Variants in ITGAL observed in about 807,000 individuals in gnomAD.
The protein encoded by ITGAL is integrin alpha-L.
In ITGAL, 68 loss-of-function variants were observed where a neutral mutation model predicts 138.4. The ratio of observed to expected loss-of-function variants is 0.49; its 90% CI spans 0.40 to 0.60. ITGAL has a LOEUF of 0.60. ITGAL is among the 20% of genes least tolerant of loss of function. The probability of loss-of-function intolerance (pLI) is 0.00; values close to 1 mark genes in which losing one functional copy is unlikely to be tolerated. For synonymous variants in ITGAL, 561 were observed against 584.3 expected, an observed-to-expected ratio of 0.96 and a Z score of 0.57; for missense variants, 1,256 against 1,478.6, an observed-to-expected ratio of 0.85 and a Z score of 2.47.
Position 30,499,229 on chromosome 16 carries a change from T to G in ITGAL, c.1988T>G (p.Phe663Cys), listed in dbSNP as rs1567477784. 1 of 1,614,092 alleles carries G rather than the reference T, an allele frequency of 6.2e-7. No individual in the cohort carries two copies. The highest frequency in any genetic ancestry group is 1.6e-4 in the Middle Eastern group (1 of 6,062). The change falls in exon 16 of 31, where the codon TTC (phenylalanine) becomes TGC (cysteine). Residue 663 changes from phenylalanine to cysteine, a missense_variant. By Grantham distance (205) the Phe-to-Cys change is radical (BLOSUM62 -2). Transcript: ENST00000356798. ...CFQIKSLIPQFQGRLVANLTY... is the reference protein window; with the variant it reads ...CFQIKSLIPQCQGRLVANLTY... ...CAGATCAAGTCTCTCATCCCCCAGT[T>G]CCAAGGTCAGAGCTCTCCTCCTGCT...
intron 7 of ITGAL, among the ~76,000 whole-genome samples, chr16:30,483,457 A>T (rs973143976): frequency 6.6e-6 from 1 of 152,064 alleles, no homozygotes; most frequent in African/African-American, 2.4e-5. Context: ...CAGCTGTAGG[A>T]CCCTCTCTTC....
rs376103850 is a variant in ITGAL at position 30,489,205 on chromosome 16, G to C, written c.1081-49G>C. The C allele has an allele frequency of 6.2e-6, 10 of 1,613,782 alleles. No individual in the cohort carries two copies. The African/African-American group carries it at 8.0e-5, about 13-fold the overall frequency. Reference sequence around the variant, plus strand: ...GCTGCAGGGAGTGCAGTTGGCTCTGGGGGGTGGGTCGGTGGGTAGCTGACC... The same window carrying C: ...GCTGCAGGGAGTGCAGTTGGCTCTGCGGGGTGGGTCGGTGGGTAGCTGACC... On this transcript the variant is annotated intron_variant, in intron 10 of 30. Coordinates refer to ENST00000356798, the MANE Select transcript of ITGAL (RefSeq NM_002209.3).
intron 2 of ITGAL, 93 bp from the exon 3 acceptor site, chr16:30,475,213 A>G (rs1485074443): frequency 1.1e-6 from 1 of 917,430 alleles, no homozygotes; most frequent in African/African-American, 1.6e-5. Flanking sequence ...GTGCTTGGAG[A>G]AATGAGACAG....
chr16:30,501,349 G>A (rs1289146870), intron 17 of ITGAL, among the ~76,000 whole-genome samples: 5 of 152,068 alleles, frequency 3.3e-5, no homozygotes, highest in African/African-American at 2.4e-5. Context: ...GCCGAGGTGG[G>A]CAGATCACCT....
intron 9 of ITGAL, among the ~76,000 whole-genome samples, chr16:30,488,317 A>G (rs1297796952): frequency 6.6e-6 from 1 of 152,080 alleles, no homozygotes; most frequent in Non-Finnish European, 1.5e-5. Context: ...AGCATGGTTC[A>G]TTAGGTGAGT....
In ITGAL at chr16:30,489,021, G is replaced by A. The variant is rs1415399591; in HGVS notation, c.1007-61G>A. ...CCTCACTTCTTCCCCGTCCTGCCAT[G>A]AATTTTTTTCACTGCATTTACTGCT... is the stretch of plus-strand genomic sequence containing the variant. On this transcript the variant is annotated intron_variant, in intron 9 of 30. Transcript: ENST00000356798. The A allele has an allele frequency of 2.8e-6, 4 of 1,415,284 alleles. No individual in the cohort carries two copies. In the Admixed American group the frequency reaches 6.7e-5, roughly 24 times the overall value. The allele number at this position is 1,415,284 out of a possible 1,614,324, so 87.7% of individuals were successfully genotyped here. A position where few individuals can be genotyped will look rare whatever the true frequency, so the allele number is the denominator to read the frequency against.
chr16:30,501,315 C>A (rs1332506735), intron 17 of ITGAL, among the ~76,000 whole-genome samples: 1 of 152,046 alleles, frequency 6.6e-6, no homozygotes, highest in East Asian at 1.9e-4. Flanking sequence ...GTGGTTCATA[C>A]CTGTAATCCC....
intron 30 of ITGAL, among the ~76,000 whole-genome samples, chr16:30,521,158 G>C (rs1045386755): frequency 6.6e-6 from 1 of 152,070 alleles, no homozygotes; most frequent in African/African-American, 2.4e-5. Flanking sequence ...TGTAATCCCA[G>C]CACTTTGGGA....
chr16:30,506,344 G>C (rs1029663624), intron 20 of ITGAL, among the ~76,000 whole-genome samples: 1 of 150,560 alleles, frequency 6.6e-6, no homozygotes, highest in Non-Finnish European at 1.5e-5. Context: ...ACGAGGTCAG[G>C]AGATTGAGAC....
rs1193634387 is a variant in ITGAL at position 30,499,733 on chromosome 16, A to ATT, written c.2145+256_2145+257dup. Reference sequence around the variant, plus strand: ...TATATGTATATATATATATATATATATTTTTTTTTTTTTGACACAGAGTCT... The same window carrying ATT: ...TATATGTATATATATATATATATATATTTTTTTTTTTTTTTGACACAGAGTCT... On this transcript the variant is annotated intron_variant, in intron 17 of 30. Coordinates refer to ENST00000356798, the MANE Select transcript of ITGAL (RefSeq NM_002209.3). 2.9e-3 allele frequency among the ~76,000 whole-genome samples: 252 copies of ATT among 88,332 alleles called. 8 individuals are homozygous for ATT. Among genetic ancestry groups the ATT allele is most frequent in the African/African-American group, 0.011 (177 of 16,740 alleles). 57.9% of individuals were successfully genotyped at this position (88,332 alleles called of 152,430 possible).
rs893377159 is a variant in ITGAL, at chr16:30,499,386, G to A, written c.2042G>A (p.Arg681Gln). ...TACACTCTGCAGCTGGATGGCCACC[G>A]GACCAGAAGACGGGGGTTGTTCCCA... ...LTYTLQLDGH[R>Q]TRRRGLFPGG... The change falls in exon 17 of 31, where the codon CGG becomes CAG. Residue 681 changes from arginine to glutamine, a missense_variant. Around this residue, in one of 3 missense-constraint regions of ITGAL, gnomAD observed 867 missense variants for 972.5 expected, o/e 0.89. Transcript: ENST00000356798. 13 of 1,614,066 alleles carry A rather than the reference G, an allele frequency of 8.1e-6. No individual in the cohort carries two copies. The highest frequency in any genetic ancestry group is 1.3e-5 in the African/African-American group (1 of 75,028).
chr16:30,520,454 G>A (rs376233374), intron 30 of ITGAL, among the ~76,000 whole-genome samples: 12 of 152,240 alleles, frequency 7.9e-5, no homozygotes, highest in African/African-American at 2.6e-4. Flanking sequence ...CAAACAGCAA[G>A]AGAGACTTTT....
chr16:30,479,035 C>T, intron 4 of ITGAL, 56 bp from the exon 5 acceptor site: 1 of 1,362,392 alleles, frequency 7.3e-7, no homozygotes, highest in Non-Finnish European at 1.0e-6. Flanking sequence ...GTTGATGTTG[C>T]CCAAAAGACA....
intron 21 of ITGAL, 64 bp downstream of exon 21, chr16:30,506,920 GC>G: frequency 6.3e-7 from 1 of 1,581,986 alleles, no homozygotes; most frequent in Non-Finnish European, 8.6e-7. Context: ...CCTTCTTTGA[GC>G]CCCAGGCAGC....
At chr16:30,484,838 GAAC>G (rs1412376291) in intron 9 of ITGAL, among the ~76,000 whole-genome samples, 2 of 151,838 alleles carry the variant, frequency 1.3e-5, no homozygotes, top group East Asian at 3.9e-4. Context: ...AGAATCGCTT[GAAC>G]CCAGGAGGCG....
Position 30,494,080 on chromosome 16 carries a change from A to G in ITGAL, c.1214-132A>G. On this transcript the variant is annotated intron_variant, in intron 11 of 30. Transcript: ENST00000356798. This position sits in a 1 kb window ranked among gnomAD's most constrained non-coding sequence, Gnocchi z 4.2. The stretch of plus-strand genomic sequence containing the variant: ...CTGGGAGCACATGGATGCTTTTCTC[A>G]GGAGAAGGTCTTCAGCTGTTTCCAT... The G allele has an allele frequency of 1.4e-6, 1 of 725,740 alleles. No homozygotes were observed. Among genetic ancestry groups the G allele is most frequent in the Non-Finnish European group, 2.3e-6 (1 of 439,704 alleles). The allele number at this position is 725,740 out of a possible 1,614,324, so 45.0% of individuals were successfully genotyped here.
At chr16:30,478,608 G>A (rs1312002206) in intron 4 of ITGAL, among the ~76,000 whole-genome samples, 1 of 148,084 alleles carries the variant, frequency 6.8e-6, no homozygotes, top group Non-Finnish European at 1.5e-5. Context: ...TGAGGCAGGA[G>A]AATGGCGTGA....
intron 17 of ITGAL, among the ~76,000 whole-genome samples, chr16:30,503,021 G>A (rs1406052731): frequency 2.6e-5 from 4 of 151,832 alleles, no homozygotes; most frequent in Non-Finnish European, 4.4e-5. Context: ...CACCATGTTG[G>A]CCAGGCTGGT....
At chr16:30,480,220 C>A (rs912160731) in intron 6 of ITGAL, among the ~76,000 whole-genome samples, 8 of 152,208 alleles carry the variant, frequency 5.3e-5, no homozygotes, top group African/African-American at 1.9e-4. Flanking sequence ...CAGGCATGAG[C>A]CACTGTGCCC....
Sources: gnomAD v4.1 joint callset for allele counts (sites outside exome capture counted in the v4.1 genomes callset) on GRCh38, gnomAD v4.1.1 for gene constraint, gnomAD v4.1.1 regional missense constraint, Gnocchi (gnomAD v3.1) non-coding constraint, MANE v1.5 for transcripts, NCBI Gene and HGNC (gene_info 2026-07-23, HGNC 2026-07-21) for gene names.